The following ICMT variants were observed in gnomAD, a reference collection of about 807,000 sequenced individuals.
The protein encoded by ICMT is protein-S-isoprenylcysteine O-methyltransferase.
In ICMT, 10 loss-of-function variants were observed where a neutral mutation model predicts 32.2. The ratio of observed to expected loss-of-function variants is 0.31; its 90% CI spans 0.19 to 0.53. ICMT has a LOEUF of 0.53. ICMT is among the 20% of genes least tolerant of loss of function. ICMT has a pLI of 0.96. For synonymous variants in ICMT, 183 were observed against 158.2 expected (o/e 1.16, Z -1.18); for missense variants, 265 against 356.9 (o/e 0.74, Z 2.07).
intron 4 of ICMT, among the ~76,000 whole-genome samples, chr1:6,231,394 A>C (rs942519844): frequency 2.6e-5 from 4 of 152,076 alleles, no homozygotes; most frequent in Non-Finnish European, 4.4e-5. Flanking sequence ...GGTGCTTCAG[A>C]TCTATTAATA....
chr1:6,226,964 C>A (rs1347089615), intron 4 of ICMT, among the ~76,000 whole-genome samples: 1 of 152,168 alleles, frequency 6.6e-6, no homozygotes, highest in Non-Finnish European at 1.5e-5. Context: ...GGGCCTGTAC[C>A]CTCACATCTG....
At chr1:6,234,237 CT>C in intron 2 of ICMT, among the ~76,000 whole-genome samples, 2 of 152,232 alleles carry the variant, frequency 1.3e-5, no homozygotes, top group South Asian at 4.2e-4. Context: ...ATTATGGGCC[CT>C]TCTGTCCGTT....
Position 6,233,661 on chromosome 1 carries a change from G to T in ICMT, c.285-18C>A. 1 of 1,604,538 alleles carries T rather than the reference G, an allele frequency of 6.2e-7. No homozygotes were observed. The highest frequency in any genetic ancestry group is 1.1e-5 in the South Asian group (1 of 89,420). On this transcript the variant is annotated intron_variant, in intron 2 of 4. Transcript: ENST00000343813. ...ACATGTACCTATTTAAAGACAAAAA[G>T]AGAGTTAAGTTGGGACAAGAGAACC...
rs561616333 is a variant in ICMT at position 6,225,815 on chromosome 1, G to A, written c.673-553C>T. On this transcript the variant is annotated intron_variant, in intron 4 of 4. Transcript: ENST00000343813. ...TCCAACCCCAGAAGAGCAGCACTTC[G>A]CCCACTTCCCCAGTCTCCTGCCCTC... Among the ~76,000 whole-genome samples, 47 of 151,846 alleles carry A rather than the reference G, an allele frequency of 3.1e-4. No individual in the cohort carries two copies. The South Asian group carries it at 6.3e-3, about 20-fold the overall frequency.
In ICMT at chr1:6,222,193, C is replaced by T. The variant is rs1180477432; in HGVS notation, c.*2887G>A. ...CCCAGCACTTTGGGAGGCCGAGGCG[C>T]GTGGATCACTTGAGGTCAGGAGTTC... On this transcript the variant is annotated 3_prime_UTR_variant, in exon 5 of 5. Coordinates refer to ENST00000343813, the MANE Select transcript of ICMT (RefSeq NM_012405.4). 6 of 152,206 alleles carry T rather than the reference C, an allele frequency of 3.9e-5. No homozygotes were observed. The highest frequency in any genetic ancestry group is 1.9e-4 in the East Asian group (1 of 5,150). The allele number at this position is 152,206 out of a possible 1,614,324, so 9.4% of individuals were successfully genotyped here.
At chr1:6,231,791 AC>A in intron 4 of ICMT, 110 bp downstream of exon 4, 2 of 688,664 alleles carry the variant, frequency 2.9e-6, no homozygotes. Context: ...TACACTGAAA[AC>A]CACTAATTGT....
At position 6,223,068 on chromosome 1, in the gene ICMT, G is replaced by C. The variant is rs552930079; in HGVS notation, c.*2012C>G. 6.6e-6 allele frequency: 1 copy of C among 152,344 alleles called. No individual in the cohort carries two copies. Among genetic ancestry groups the C allele is most frequent in the Non-Finnish European group, 1.5e-5 (1 of 68,052 alleles). The allele number at this position is 152,344 out of a possible 1,614,324, so 9.4% of individuals were successfully genotyped here. ...TTGGCTAGAGTCCCACTGCACGCGT[G>C]TCGTGAGGGCCGATGGGCAAGTCCG... On this transcript the variant is annotated 3_prime_UTR_variant, in exon 5 of 5. Transcript: ENST00000343813.
rs1222141300 is a variant in ICMT at position 6,225,120 on chromosome 1, G to A, written c.815C>T (p.Thr272Met). 3 of 1,614,120 alleles carry A rather than the reference G, an allele frequency of 1.9e-6. No homozygotes were observed. The highest frequency in any genetic ancestry group is 2.5e-6 in the Non-Finnish European group (3 of 1,179,976). Residue 272 changes from threonine to methionine, a missense_variant, in exon 5 of 5, where the codon ACG (threonine) becomes ATG (methionine). Physicochemically the swap from Thr to Met is moderately conservative, Grantham distance 81 (BLOSUM62 -1). Coordinates refer to ENST00000343813, the MANE Select transcript of ICMT (RefSeq NM_012405.4). Reference protein sequence around the residue: ...EYLEYKKRVPTGLPFIKGVKV... With the variant: ...EYLEYKKRVPMGLPFIKGVKV... ...GACCCCCTTTATGAAAGGCAGGCCC[G>A]TGGGCACCCTCTTCTTATACTCCAG...
chr1:6,230,768 A>T (rs1335470968), intron 4 of ICMT, among the ~76,000 whole-genome samples: 1 of 151,788 alleles, frequency 6.6e-6, no homozygotes, highest in African/African-American at 2.4e-5. Context: ...GGGCGCCTGT[A>T]GTCCCAGCTA....
intron 4 of ICMT, among the ~76,000 whole-genome samples, chr1:6,227,191 G>A (rs1668658023): frequency 6.6e-6 from 1 of 152,184 alleles, no homozygotes; most frequent in African/African-American, 2.4e-5. Context: ...AAAAATCTAT[G>A]GGCAAAAAGG....
At chr1:6,235,353 T>C (rs1284559444) in intron 1 of ICMT, among the ~76,000 whole-genome samples, 33 of 152,340 alleles carry the variant, frequency 2.2e-4, no homozygotes, top group Admixed American at 2.2e-3. Flanking sequence ...AAGCCTAGTT[T>C]ATGAGGTCAG....
intron 2 of ICMT, chr1:6,234,266 C>A (rs1003448472): frequency 1.1e-5 from 4 of 354,944 alleles, no homozygotes; most frequent in South Asian, 2.1e-5. Context: ...ACACTACACA[C>A]AATAAAACAT....
In ICMT at chr1:6,224,404, A is replaced by G. The variant is rs1668607762; in HGVS notation, c.*676T>C. Reference sequence around the variant, plus strand: ...AAAGCCACTCAGCCAAATCGTGTAGAGTTATCTAGGCTTACTTGCTGCAGG... The same window carrying G: ...AAAGCCACTCAGCCAAATCGTGTAGGGTTATCTAGGCTTACTTGCTGCAGG... On this transcript the variant is annotated 3_prime_UTR_variant, in exon 5 of 5. Coordinates refer to ENST00000343813, the MANE Select transcript of ICMT (RefSeq NM_012405.4). The G allele has an allele frequency of 6.6e-6, 1 of 152,218 alleles. No individual in the cohort carries two copies. Among genetic ancestry groups the G allele is most frequent in the Non-Finnish European group, 1.5e-5 (1 of 68,048 alleles). 9.4% of individuals were successfully genotyped at this position (152,218 alleles called of 1,614,324 possible). A position where few individuals can be genotyped will look rare whatever the true frequency, so the allele number is the denominator to read the frequency against.
At chr1:6,227,618 G>A (rs1571223948) in intron 4 of ICMT, among the ~76,000 whole-genome samples, 1 of 152,336 alleles carries the variant, frequency 6.6e-6, no homozygotes, top group East Asian at 1.9e-4. Context: ...CACTTTGGGA[G>A]ACTGAGGCAA....
rs1298161826 is a variant in ICMT at position 6,221,294 on chromosome 1, AAAG to A, written c.*3783_*3785del. On this transcript the variant is annotated 3_prime_UTR_variant, in exon 5 of 5. Coordinates refer to ENST00000343813, the MANE Select transcript of ICMT (RefSeq NM_012405.4). Reference sequence around the variant, plus strand: ...AATATTTAAATAAACATTTATGTAAAAAGAAGAGTAGAATAATTACTCCGTTCA... The same window carrying A: ...AATATTTAAATAAACATTTATGTAAAAAGAGTAGAATAATTACTCCGTTCA... 3 of 152,670 alleles carry A rather than the reference AAAG, an allele frequency of 2.0e-5. No individual in the cohort carries two copies. The highest frequency in any genetic ancestry group is 6.5e-5 in the Admixed American group (1 of 15,280). The allele number at this position is 152,670 out of a possible 1,614,324, so 9.5% of individuals were successfully genotyped here. A position where few individuals can be genotyped will look rare whatever the true frequency, so the allele number is the denominator to read the frequency against.
intron 3 of ICMT, 142 bp downstream of exon 3, chr1:6,233,332 T>C (rs846108): frequency 2.6e-4 from 193 of 731,246 alleles, no homozygotes; most frequent in Non-Finnish European, 4.2e-4. Context: ...GCTCATCCTT[T>C]ATAAATAGCT....
Position 6,234,639 on chromosome 1 carries a change from C to T in ICMT, c.284+247G>A, listed in dbSNP as rs1571227874. On this transcript the variant is annotated intron_variant, in intron 2 of 4. Coordinates refer to ENST00000343813, the MANE Select transcript of ICMT (RefSeq NM_012405.4). ...TTACGGAATGCTGTCACCACAGCTG[C>T]GGATGACAGCACCTTTGGGGGTGCC... The T allele has an allele frequency of 5.5e-6, 3 of 541,520 alleles. No homozygotes were observed. The East Asian group carries it at 1.1e-4, about 20-fold the overall frequency. 33.5% of individuals were successfully genotyped at this position (541,520 alleles called of 1,614,324 possible). A position where few individuals can be genotyped will look rare whatever the true frequency, so the allele number is the denominator to read the frequency against.
rs1168501515 is a variant in ICMT at position 6,221,776 on chromosome 1, C to T, written c.*3304G>A. The T allele has an allele frequency of 6.6e-6, 1 of 152,192 alleles. No individual in the cohort carries two copies. The highest frequency in any genetic ancestry group is 6.5e-5 in the Admixed American group (1 of 15,272). 9.4% of individuals were successfully genotyped at this position (152,192 alleles called of 1,614,324 possible). A position where few individuals can be genotyped will look rare whatever the true frequency, so the allele number is the denominator to read the frequency against. On this transcript the variant is annotated 3_prime_UTR_variant, in exon 5 of 5. Transcript: ENST00000343813. Reference sequence around the variant, plus strand: ...CGCTGCTGCCTTGTTTTCTGTCCTGCTAAGAGGCTCACCCCGCGACCTCTT... The same window carrying T: ...CGCTGCTGCCTTGTTTTCTGTCCTGTTAAGAGGCTCACCCCGCGACCTCTT...
At chr1:6,232,700 T>C (rs1204056037) in intron 3 of ICMT, among the ~76,000 whole-genome samples, 3 of 151,180 alleles carry the variant, frequency 2.0e-5, no homozygotes, top group African/African-American at 7.3e-5. Flanking sequence ...AGGCATGCAC[T>C]ACCAGGCCCG....
Sources: gnomAD v4.1 joint callset for allele counts (sites outside exome capture counted in the v4.1 genomes callset) on GRCh38, gnomAD v4.1.1 for gene constraint, MANE v1.5 for transcripts, NCBI Gene and HGNC (gene_info 2026-07-23, HGNC 2026-07-21) for gene names.